EPHA6: variants seen among roughly 807,000 people sequenced by gnomAD.
The protein encoded by EPHA6 is EPH receptor A6.
A neutral mutation model predicts 112.0 loss-of-function variants in EPHA6; 50 were observed. The ratio of observed to expected loss-of-function variants is 0.45; its 90% CI spans 0.36 to 0.56. The LOEUF is 0.56. EPHA6 is among the 20% of genes least tolerant of loss of function. The pLI, the probability that EPHA6 is intolerant of heterozygous loss-of-function variation, is 0.00. For synonymous variants in EPHA6, 529 were observed against 490.7 expected (o/e 1.08, Z -1.03); for missense variants, 1,280 against 1,417.4 (o/e 0.90, Z 1.56).
chr3:97,403,983 T>C (rs2087165066), intron 5 of EPHA6, among the ~76,000 whole-genome samples: 1 of 152,182 alleles, frequency 6.6e-6, no homozygotes, highest in Non-Finnish European at 1.5e-5. Flanking sequence ...AATAACTCTA[T>C]TCTAGTGTTT....
At chr3:97,601,013 A>T (rs1234930836) in intron 12 of EPHA6, among the ~76,000 whole-genome samples, 1 of 152,084 alleles carries the variant, frequency 6.6e-6, no homozygotes, top group African/African-American at 2.4e-5. Context: ...CCTTCTTATT[A>T]GCATAAATGT....
At position 97,752,467 on chromosome 3, in the gene EPHA6, CCT is replaced by C. The variant is rs1385797321; in HGVS notation, c.*3767_*3768del. The C allele has an allele frequency of 3.2e-5, 7 of 221,174 alleles. No homozygotes were observed. Among genetic ancestry groups the C allele is most frequent in the African/African-American group, 1.6e-4 (7 of 44,658 alleles). The allele number at this position is 221,174 out of a possible 1,614,324, so 13.7% of individuals were successfully genotyped here. A position where few individuals can be genotyped will look rare whatever the true frequency, so the allele number is the denominator to read the frequency against. On this transcript the variant is annotated 3_prime_UTR_variant, in exon 18 of 18. Transcript: ENST00000389672. Reference sequence around the variant, plus strand: ...ATAAATTTTCTAAAACTTTCTCAGCCCTGTTTTTAATTCCCCCATCCTCTCTC... The same window carrying C: ...ATAAATTTTCTAAAACTTTCTCAGCCGTTTTTAATTCCCCCATCCTCTCTC...
chr3:96,870,605 G>A (rs2036575998), intron 2 of EPHA6, among the ~76,000 whole-genome samples: 1 of 152,056 alleles, frequency 6.6e-6, no homozygotes, highest in Non-Finnish European at 1.5e-5. Context: ...GCCTAGTCAT[G>A]TTGATACATA....
chr3:97,746,941 AAGG>A (rs1224891392), intron 16 of EPHA6, among the ~76,000 whole-genome samples: 3 of 151,980 alleles, frequency 2.0e-5, no homozygotes, highest in African/African-American at 7.2e-5. Flanking sequence ...TCACCATAAG[AAGG>A]AGAAGAACTA....
At chr3:97,123,601 A>G (rs183101210) in intron 3 of EPHA6, among the ~76,000 whole-genome samples, 94 of 152,092 alleles carry the variant, frequency 6.2e-4, no homozygotes, top group African/African-American at 2.1e-3. Flanking sequence ...TGTAAATGTT[A>G]AGTTAATAGA....
chr3:97,430,211 T>G lies in EPHA6; in HGVS notation c.1732-18357T>G, dbSNP rs1490628467. Among the ~76,000 whole-genome samples the G allele has an allele frequency of 2.0e-5, 3 of 152,290 alleles. No homozygotes were observed. The East Asian group carries it at 5.8e-4, about 29-fold the overall frequency. ...AAATAGTCTATGCCTCATGAATAAC[T>G]TATAACCAGAAACATTTTTGACACC... is the stretch of plus-strand genomic sequence containing the variant. On this transcript the variant is annotated intron_variant, in intron 6 of 17. Transcript: ENST00000389672.
chr3:97,498,574 T>C (rs765805931), intron 10 of EPHA6, among the ~76,000 whole-genome samples: 13 of 152,156 alleles, frequency 8.5e-5, no homozygotes, highest in Non-Finnish European at 1.9e-4. Context: ...TTATATTTGA[T>C]GTATTGGCCT....
At chr3:96,976,158 G>A (rs1026940967) in intron 2 of EPHA6, among the ~76,000 whole-genome samples, 1 of 151,998 alleles carries the variant, frequency 6.6e-6, no homozygotes, top group African/African-American at 2.4e-5. Context: ...TTTAAATAGG[G>A]GTAGGAACTT....
chr3:97,410,835 A>G (rs1406485972), intron 6 of EPHA6, among the ~76,000 whole-genome samples: 1 of 152,052 alleles, frequency 6.6e-6, no homozygotes, highest in African/African-American at 2.4e-5. Context: ...GATAAAGGGG[A>G]AAATAATCAC....
At chr3:97,395,341 C>T (rs1199917036) in intron 5 of EPHA6, among the ~76,000 whole-genome samples, 1 of 151,718 alleles carries the variant, frequency 6.6e-6, no homozygotes. Flanking sequence ...ATATCTAAAG[C>T]ACAGAACATT....
At chr3:97,350,839 A>G (rs1366661858) in intron 5 of EPHA6, among the ~76,000 whole-genome samples, 3 of 152,148 alleles carry the variant, frequency 2.0e-5, no homozygotes, top group Non-Finnish European at 2.9e-5. Flanking sequence ...AAAAATATAT[A>G]TAATCTCTTT....
chr3:96,997,499 A>G (rs1211195468), intron 3 of EPHA6, among the ~76,000 whole-genome samples: 1 of 151,878 alleles, frequency 6.6e-6, no homozygotes, highest in African/African-American at 2.4e-5. Flanking sequence ...CTTAATTTCA[A>G]TATTGCCGTG....
intron 1 of EPHA6, among the ~76,000 whole-genome samples, chr3:96,862,636 T>G (rs1052491192): frequency 6.6e-6 from 1 of 151,916 alleles, no homozygotes; most frequent in Non-Finnish European, 1.5e-5. Context: ...ATCCTTTTCT[T>G]ACTGTGCTAT....
At chr3:97,405,345 TTATAC>T in intron 6 of EPHA6, 71 bp downstream of exon 6, 1 of 1,299,328 alleles carries the variant, frequency 7.7e-7, no homozygotes, top group Non-Finnish European at 1.1e-6. Context: ...GAGCATGTCG[TTATAC>T]TATATTATTT....
At chr3:97,732,864 T>C (rs767887735) in intron 15 of EPHA6, among the ~76,000 whole-genome samples, 9 of 152,142 alleles carry the variant, frequency 5.9e-5, no homozygotes, top group Non-Finnish European at 1.3e-4. Context: ...TCTTTTCCTG[T>C]AAGATGGGTC....
intron 11 of EPHA6, among the ~76,000 whole-genome samples, chr3:97,569,304 G>T (rs2093306602): frequency 6.6e-6 from 1 of 152,094 alleles, no homozygotes; most frequent in Non-Finnish European, 1.5e-5. Context: ...TTAAATTAAT[G>T]AATAATAAAA....
chr3:96,891,681 C>T (rs1470515031), intron 2 of EPHA6, among the ~76,000 whole-genome samples: 4 of 152,178 alleles, frequency 2.6e-5, no homozygotes, highest in Admixed American at 2.6e-4. Context: ...TGCACTCCAG[C>T]ATGGGCAACA....
chr3:97,535,014 T>C (rs2092743791), intron 11 of EPHA6, among the ~76,000 whole-genome samples: 1 of 151,246 alleles, frequency 6.6e-6, no homozygotes, highest in Non-Finnish European at 1.5e-5. Context: ...TTTCTCCTTA[T>C]ATGTGAATTA....
chr3:97,439,869 G>A (rs770578097), intron 6 of EPHA6, among the ~76,000 whole-genome samples: 5 of 152,072 alleles, frequency 3.3e-5, no homozygotes, highest in South Asian at 2.1e-4. Context: ...AATGTGTGTC[G>A]CTATGTCAAA....
Sources: gnomAD v4.1 joint callset for allele counts (sites outside exome capture counted in the v4.1 genomes callset) on GRCh38, gnomAD v4.1.1 for gene constraint, MANE v1.5 for transcripts, NCBI Gene and HGNC (gene_info 2026-07-23, HGNC 2026-07-21) for gene names.